Variants in NT5DC1 observed in about 807,000 individuals in gnomAD.
NT5DC1 encodes the protein 5'-nucleotidase domain containing 1.
NT5DC1 carries 42 observed loss-of-function variants against 59.4 expected under a neutral mutation model. That is an observed-to-expected ratio of 0.71 (90% CI 0.55 to 0.92). The LOEUF is 0.92. Among genes scored for constraint, NT5DC1 ranks in the 40% least tolerant of loss-of-function variants. The pLI is 0.00. For missense variants in NT5DC1, 501 were observed against 537.1 expected (o/e 0.93, Z 0.66); for synonymous variants, 172 against 188.1 (o/e 0.91, Z 0.70).
intron 4 of NT5DC1, among the ~76,000 whole-genome samples, chr6:116,112,491 A>C (rs557233145): frequency 6.6e-6 from 1 of 152,182 alleles, no homozygotes; most frequent in East Asian, 1.9e-4. Flanking sequence ...CTCCTGTCCT[A>C]TTTTTTAAAG....
intron 1 of NT5DC1, among the ~76,000 whole-genome samples, chr6:116,101,294 C>G (rs1262245396): frequency 6.6e-6 from 1 of 152,012 alleles, no homozygotes; most frequent in Admixed American, 6.6e-5. Flanking sequence ...TGCGCAAGAC[C>G]GGGCTGGGGA....
At chr6:116,120,623 C>T (rs1582812581) in intron 6 of NT5DC1, 4 of 1,558,972 alleles carry the variant, frequency 2.6e-6, no homozygotes, top group Non-Finnish European at 2.6e-6. Context: ...AGAGTGGCCT[C>T]TTGGACCTGG....
chr6:116,136,804 C>A (rs1189685162), intron 6 of NT5DC1, among the ~76,000 whole-genome samples: 1 of 152,142 alleles, frequency 6.6e-6, no homozygotes, highest in African/African-American at 2.4e-5. Flanking sequence ...TTACTCAGAA[C>A]AAGAAGCCCT....
At chr6:116,168,130 A>G (rs1383281863) in intron 6 of NT5DC1, among the ~76,000 whole-genome samples, 7 of 136,518 alleles carry the variant, frequency 5.1e-5, no homozygotes, top group African/African-American at 1.4e-4. Flanking sequence ...CTTCTCAGAT[A>G]TTCACTTAAC....
intron 6 of NT5DC1, among the ~76,000 whole-genome samples, chr6:116,142,794 A>G (rs1349277290): frequency 6.6e-6 from 1 of 152,208 alleles, no homozygotes; most frequent in African/African-American, 2.4e-5. Context: ...GCTCAGACTG[A>G]AGATGTAAGG....
intron 4 of NT5DC1, 129 bp downstream of exon 4, chr6:116,111,085 T>A (rs1562118051): frequency 1.6e-6 from 1 of 630,920 alleles, no homozygotes; most frequent in Non-Finnish European, 2.8e-6. Flanking sequence ...CAGCTTCAGC[T>A]TTATAGCAAT....
intron 6 of NT5DC1, among the ~76,000 whole-genome samples, chr6:116,152,553 T>C (rs972888895): frequency 1.3e-5 from 2 of 152,186 alleles, no homozygotes; most frequent in African/African-American, 4.8e-5. Context: ...ACTGGATTTA[T>C]TCCCCTCTAT....
rs767951522 is a variant in NT5DC1, at chr6:116,101,030, G to C, written c.93+7G>C. On this transcript the variant is annotated splice_region_variant and intron_variant, in intron 1 of 11. Coordinates refer to ENST00000319550, the MANE Select transcript of NT5DC1 (RefSeq NM_152729.3). ...CCTGCCCGAGAGCGCCCCGGTGAGT[G>C]GCGCGGGCTCCGGGGCGCACTGCGC... The C allele has an allele frequency of 6.3e-7, 1 of 1,582,906 alleles. No individual in the cohort carries two copies. The highest frequency in any genetic ancestry group is 1.1e-5 in the South Asian group (1 of 88,398).
intron 6 of NT5DC1, among the ~76,000 whole-genome samples, chr6:116,168,071 T>C (rs1260427383): frequency 6.7e-6 from 1 of 149,724 alleles, no homozygotes; most frequent in Non-Finnish European, 1.5e-5. Context: ...CGATTTATGA[T>C]GTACCTGGTG....
chr6:116,155,414 G>A (rs1198510547), intron 6 of NT5DC1, among the ~76,000 whole-genome samples: 4 of 152,070 alleles, frequency 2.6e-5, no homozygotes, highest in Non-Finnish European at 5.9e-5. Flanking sequence ...TTGGAATTCA[G>A]TGGCCACTTT....
chr6:116,219,424 G>A, intron 6 of NT5DC1, among the ~76,000 whole-genome samples: 1 of 152,038 alleles, frequency 6.6e-6, no homozygotes, highest in Admixed American at 6.6e-5. Flanking sequence ...CATTTGCCAT[G>A]CCTGGGTCCC....
At chr6:116,109,851 T>TA (rs1562117509) in intron 3 of NT5DC1, among the ~76,000 whole-genome samples, 1 of 152,192 alleles carries the variant, frequency 6.6e-6, no homozygotes, top group Non-Finnish European at 1.5e-5. Flanking sequence ...TTATAATTTC[T>TA]CATAATAAAC....
intron 6 of NT5DC1, among the ~76,000 whole-genome samples, chr6:116,194,057 AC>A: frequency 6.6e-6 from 1 of 152,006 alleles, no homozygotes; most frequent in African/African-American, 2.4e-5. Context: ...AACAACAACA[AC>A]AACAAAAGAA....
chr6:116,106,373 A>C lies in NT5DC1; in HGVS notation c.185+38A>C, dbSNP rs1280685588. 5.7e-6 allele frequency: 5 copies of C among 875,584 alleles called. No homozygotes were observed. The East Asian group carries it at 7.4e-5, about 13-fold the overall frequency. The allele number at this position is 875,584 out of a possible 1,614,324, so 54.2% of individuals were successfully genotyped here. ...TTTTTTTTTTTTTTTAAGTCTGTAC[A>C]TTTCCTGTGGTTCTAATTGTTACTG... On this transcript the variant is annotated intron_variant, in intron 2 of 11. Coordinates refer to ENST00000319550, the MANE Select transcript of NT5DC1 (RefSeq NM_152729.3).
rs371439104 is a variant in NT5DC1, at chr6:116,162,443, A to G, written c.529+44498A>G. Reference sequence around the variant, plus strand: ...AATATGGTTCTTAGTATTTTCAGTTATGTTCCTTTAATGCCTAGTTTATTT... The same window carrying G: ...AATATGGTTCTTAGTATTTTCAGTTGTGTTCCTTTAATGCCTAGTTTATTT... On this transcript the variant is annotated intron_variant, in intron 6 of 11. Coordinates refer to ENST00000319550, the MANE Select transcript of NT5DC1 (RefSeq NM_152729.3). 6.5e-4 allele frequency among the ~76,000 whole-genome samples: 99 copies of G among 152,244 alleles called. 1 individual carries two copies. In the South Asian group the frequency reaches 0.019, roughly 29 times the overall value.
intron 5 of NT5DC1, among the ~76,000 whole-genome samples, chr6:116,117,216 A>G (rs370175409): frequency 6.6e-6 from 1 of 152,320 alleles, no homozygotes; most frequent in East Asian, 1.9e-4. Flanking sequence ...TGCTGTGTTT[A>G]AAAATATTCT....
At chr6:116,195,294 A>G (rs1033096569) in intron 6 of NT5DC1, among the ~76,000 whole-genome samples, 4 of 152,224 alleles carry the variant, frequency 2.6e-5, no homozygotes, top group Admixed American at 1.3e-4. Flanking sequence ...CAATTTCGCT[A>G]TTAAAATTAT....
rs537534961 is a variant in NT5DC1, at chr6:116,196,521, G to T, written c.530-24533G>T. Among the ~76,000 whole-genome samples, 5 of 152,030 alleles carry T rather than the reference G, an allele frequency of 3.3e-5. No individual in the cohort carries two copies. The East Asian group carries it at 7.8e-4, about 24-fold the overall frequency. On this transcript the variant is annotated intron_variant, in intron 6 of 11. Transcript: ENST00000319550. The stretch of plus-strand genomic sequence containing the variant: ...TCTCTTTGCCATTTGGTTTTTAATA[G>T]CACAAAGAAATTATATCAATTAGAA...
At chr6:116,214,861 G>A (rs984349498) in intron 6 of NT5DC1, among the ~76,000 whole-genome samples, 1 of 151,922 alleles carries the variant, frequency 6.6e-6, no homozygotes, top group African/African-American at 2.4e-5. Flanking sequence ...CACCATGGAG[G>A]CATAGACTCA....
Sources: allele counts gnomAD v4.1 joint callset (sites outside exome capture counted in the v4.1 genomes callset), GRCh38; gene constraint gnomAD v4.1.1; transcripts MANE v1.5; gene names NCBI Gene and HGNC (gene_info 2026-07-23, HGNC 2026-07-21).